The following MARCHF7 variants were observed in gnomAD, a reference collection of about 807,000 sequenced individuals.
The protein encoded by MARCHF7 is E3 ubiquitin-protein ligase MARCHF7.
A neutral mutation model predicts 76.5 loss-of-function variants in MARCHF7; 20 were observed. The ratio of observed to expected loss-of-function variants is 0.26; its 90% CI spans 0.18 to 0.38. The LOEUF (loss-of-function observed/expected upper bound fraction) is 0.38, where lower values mean the gene tolerates loss of function less well. Ranked by LOEUF, MARCHF7 falls within the 10% of genes least tolerant of loss-of-function variation. MARCHF7 has a pLI of 1.00. For synonymous variants in MARCHF7, 295 were observed against 293.0 expected (o/e 1.01, Z -0.07); for missense variants, 797 against 812.9 (o/e 0.98, Z 0.24).
chr2:159,761,406 CTTTTTTT>C (rs747902045), intron 9 of MARCHF7, among the ~76,000 whole-genome samples: 26 of 73,746 alleles, frequency 3.5e-4, no homozygotes, highest in Admixed American at 5.0e-4. Context: ...TGAATCATTT[CTTTTTTT>C]TTTTTTTTTT....
At position 159,770,733 on chromosome 2, in the gene MARCHF7, A is replaced by T. The variant is rs1708118194; in HGVS notation, c.*3391A>T. ...AATTGTCTGCAGTATTCAGCACAGT[A>T]ACATGCTGTGTAGGTTTGGGACAAA... On this transcript the variant is annotated 3_prime_UTR_variant, in exon 12 of 12. Coordinates refer to ENST00000409175, the MANE Select transcript of MARCHF7 (RefSeq NM_001282805.2). The T allele has an allele frequency of 6.6e-6, 1 of 152,172 alleles. No homozygotes were observed. Among genetic ancestry groups the T allele is most frequent in the African/African-American group, 2.4e-5 (1 of 41,432 alleles). 9.4% of individuals were successfully genotyped at this position (152,172 alleles called of 1,614,324 possible).
chr2:159,760,788 T>C (rs970386714), intron 9 of MARCHF7, among the ~76,000 whole-genome samples: 1 of 151,974 alleles, frequency 6.6e-6, no homozygotes, highest in African/African-American at 2.4e-5. Flanking sequence ...CTCAGGAATG[T>C]TTTTATTTTC....
At chr2:159,761,039 T>TA (rs1339471211) in intron 9 of MARCHF7, among the ~76,000 whole-genome samples, 1 of 151,802 alleles carries the variant, frequency 6.6e-6, no homozygotes, top group Non-Finnish European at 1.5e-5. Flanking sequence ...TTTTTTTTTT[T>TA]TTTTTGAGAT....
At chr2:159,738,371 T>G (rs1574307908) in intron 4 of MARCHF7, among the ~76,000 whole-genome samples, 2 of 150,882 alleles carry the variant, frequency 1.3e-5, no homozygotes, top group South Asian at 2.1e-4. Flanking sequence ...GAGTGGGGGG[T>G]AGGAAGGGAT....
At chr2:159,728,489 A>T (rs570365276) in intron 3 of MARCHF7, among the ~76,000 whole-genome samples, 1 of 152,240 alleles carries the variant, frequency 6.6e-6, no homozygotes, top group Non-Finnish European at 1.5e-5. Flanking sequence ...AATGCATAGT[A>T]GTATCAAAAG....
chr2:159,729,009 A>G lies in MARCHF7; in HGVS notation c.-14A>G. ...ATTAATGAAAATTTTTATTTCACAG[A>G]AAAATCTTTAAGAATGGAGTCTAAA... On this transcript the variant is annotated splice_region_variant and 5_prime_UTR_variant, in exon 4 of 12. Coordinates refer to ENST00000409175, the MANE Select transcript of MARCHF7 (RefSeq NM_001282805.2). The G allele has an allele frequency of 6.5e-7, 1 of 1,541,130 alleles. No individual in the cohort carries two copies. Among genetic ancestry groups the G allele is most frequent in the Non-Finnish European group, 8.7e-7 (1 of 1,148,772 alleles).
Position 159,745,634 on chromosome 2 carries a change from T to C in MARCHF7, c.347-136T>C, listed in dbSNP as rs552161778. The C allele has an allele frequency of 1.8e-5, 10 of 567,104 alleles. No individual in the cohort carries two copies. In the African/African-American group the frequency reaches 1.9e-4, roughly 11 times the overall value. 35.1% of individuals were successfully genotyped at this position (567,104 alleles called of 1,614,324 possible). The stretch of plus-strand genomic sequence containing the variant: ...TCGTGCCACTACACTCCAGCCTGGG[T>C]GACAGAGTGAGACTCCGTCTCAAAT... On this transcript the variant is annotated intron_variant, in intron 5 of 11. Coordinates refer to ENST00000409175, the MANE Select transcript of MARCHF7 (RefSeq NM_001282805.2).
intron 11 of MARCHF7, among the ~76,000 whole-genome samples, chr2:159,766,145 C>G (rs1486044186): frequency 6.6e-6 from 1 of 152,134 alleles, no homozygotes; most frequent in East Asian, 1.9e-4. Flanking sequence ...CCCTAAATAT[C>G]AGAGTATTAG....
At chr2:159,758,947 A>G (rs371798714) in intron 8 of MARCHF7, among the ~76,000 whole-genome samples, 6 of 152,316 alleles carry the variant, frequency 3.9e-5, no homozygotes, top group South Asian at 4.1e-4. Context: ...TCTGCTTCCC[A>G]TGATCAAGGA....
chr2:159,739,908 A>C (rs1481974821), intron 4 of MARCHF7, among the ~76,000 whole-genome samples: 1 of 152,226 alleles, frequency 6.6e-6, no homozygotes, highest in Non-Finnish European at 1.5e-5. Context: ...TGTTTAATGA[A>C]CAGTGAGTGT....
At position 159,770,988 on chromosome 2, in the gene MARCHF7, A is replaced by G. The variant is rs1479626137; in HGVS notation, c.*3646A>G. Reference sequence around the variant, plus strand: ...CCAAATGATTTTCACCTTTTTCTTAAAATGTACAATAAATGCACTGAAAAC... The same window carrying G: ...CCAAATGATTTTCACCTTTTTCTTAGAATGTACAATAAATGCACTGAAAAC... On this transcript the variant is annotated 3_prime_UTR_variant, in exon 12 of 12. Coordinates refer to ENST00000409175, the MANE Select transcript of MARCHF7 (RefSeq NM_001282805.2). The G allele has an allele frequency of 1.3e-5, 2 of 152,106 alleles. No individual in the cohort carries two copies. Among genetic ancestry groups the G allele is most frequent in the East Asian group, 3.8e-4 (2 of 5,206 alleles). 9.4% of individuals were successfully genotyped at this position (152,106 alleles called of 1,614,324 possible).
At chr2:159,716,495 C>G (rs1033968996) in intron 3 of MARCHF7, among the ~76,000 whole-genome samples, 1 of 151,898 alleles carries the variant, frequency 6.6e-6, no homozygotes, top group Non-Finnish European at 1.5e-5. Context: ...AAAAAAAATA[C>G]AACAATTAGC....
At chr2:159,736,334 T>C (rs557137457) in intron 4 of MARCHF7, among the ~76,000 whole-genome samples, 4 of 152,324 alleles carry the variant, frequency 2.6e-5, no homozygotes, top group African/African-American at 9.6e-5. Flanking sequence ...ATGTATCTCA[T>C]TGTGGTTTTG....
chr2:159,742,793 C>T (rs147046122), intron 4 of MARCHF7, among the ~76,000 whole-genome samples: 135 of 152,130 alleles, frequency 8.9e-4, no homozygotes, highest in African/African-American at 3.0e-3. Context: ...AAAAATTAGC[C>T]GGGCGTGGTG....
chr2:159,754,856 A>G (rs1248446604), intron 8 of MARCHF7, among the ~76,000 whole-genome samples: 1 of 152,186 alleles, frequency 6.6e-6, no homozygotes, highest in East Asian at 1.9e-4. Flanking sequence ...ATAAGGAGAC[A>G]GGTTAGGAGG....
At chr2:159,725,119 TG>T (rs1461975576) in intron 3 of MARCHF7, among the ~76,000 whole-genome samples, 2 of 152,246 alleles carry the variant, frequency 1.3e-5, no homozygotes. Context: ...TCTTTGCTAT[TG>T]TGAGTAGTGC....
intron 8 of MARCHF7, among the ~76,000 whole-genome samples, chr2:159,757,505 G>A (rs149007048): frequency 6.6e-6 from 1 of 152,212 alleles, no homozygotes; most frequent in South Asian, 2.1e-4. Context: ...TATAGGAGTA[G>A]GCTGGCTGTG....
intron 1 of MARCHF7, among the ~76,000 whole-genome samples, chr2:159,713,975 T>C (rs1700676976): frequency 6.6e-6 from 1 of 152,222 alleles, no homozygotes; most frequent in Non-Finnish European, 1.5e-5. Flanking sequence ...TTCCTACTTA[T>C]TCAAGTACAA....
At chr2:159,725,510 G>A (rs1441230173) in intron 3 of MARCHF7, among the ~76,000 whole-genome samples, 3 of 151,948 alleles carry the variant, frequency 2.0e-5, no homozygotes, top group South Asian at 2.1e-4. Context: ...CATATCCTTC[G>A]CCCACTTTTT....
Sources: gnomAD v4.1 joint callset for allele counts (sites outside exome capture counted in the v4.1 genomes callset) on GRCh38, gnomAD v4.1.1 for gene constraint, MANE v1.5 for transcripts, NCBI Gene and HGNC (gene_info 2026-07-23, HGNC 2026-07-21) for gene names.